MIPOL1: variants seen among roughly 807,000 people sequenced by gnomAD.
The protein encoded by MIPOL1 is mirror-image polydactyly 1, also known as mirror-image polydactyly gene 1 protein.
MIPOL1 carries 57 observed loss-of-function variants against 60.9 expected under a neutral mutation model. The ratio of observed to expected loss-of-function variants is 0.94; its 90% CI spans 0.76 to 1.17. The LOEUF is 1.17. MIPOL1 is among the 50% of genes most tolerant of loss of function. MIPOL1 has a pLI of 0.00. For synonymous variants in MIPOL1, 179 were observed against 168.8 expected (o/e 1.06, Z -0.47); for missense variants, 551 against 511.6 (o/e 1.08, Z -0.74).
At chr14:37,259,246 C>G (rs377260290) in intron 3 of MIPOL1, among the ~76,000 whole-genome samples, 1 of 151,992 alleles carries the variant, frequency 6.6e-6, no homozygotes, top group Admixed American at 6.6e-5. Flanking sequence ...AATATGTGTA[C>G]AATATACCTT....
At chr14:37,343,509 A>G (rs2090728352) in intron 9 of MIPOL1, among the ~76,000 whole-genome samples, 1 of 152,152 alleles carries the variant, frequency 6.6e-6, no homozygotes. Context: ...GTCTAATATT[A>G]TTTTTGTCTG....
intron 9 of MIPOL1, among the ~76,000 whole-genome samples, chr14:37,342,760 G>A (rs1467669000): frequency 6.6e-6 from 1 of 152,034 alleles, no homozygotes; most frequent in Non-Finnish European, 1.5e-5. Flanking sequence ...ATCTTAGATA[G>A]TATTACGAAG....
At chr14:37,543,885 A>G (rs1417420979) in intron 12 of MIPOL1, among the ~76,000 whole-genome samples, 1 of 152,244 alleles carries the variant, frequency 6.6e-6, no homozygotes, top group African/African-American at 2.4e-5. Flanking sequence ...AAATTGAAGT[A>G]AATAAAAAAA....
intron 1 of MIPOL1, among the ~76,000 whole-genome samples, chr14:37,201,032 A>G (rs1490187518): frequency 6.6e-6 from 1 of 150,826 alleles, no homozygotes; most frequent in African/African-American, 2.4e-5. Flanking sequence ...CTTCCCAAGT[A>G]GCTAGGGTTA....
At chr14:37,500,991 A>T (rs2095207543) in intron 12 of MIPOL1, among the ~76,000 whole-genome samples, 1 of 152,124 alleles carries the variant, frequency 6.6e-6, no homozygotes, top group Non-Finnish European at 1.5e-5. Context: ...GCTCACATCA[A>T]GGTTTCTTAC....
intron 1 of MIPOL1, among the ~76,000 whole-genome samples, chr14:37,200,840 ATATC>A (rs200480895): frequency 2.8e-4 from 39 of 138,968 alleles, no homozygotes; most frequent in African/African-American, 5.6e-4. Flanking sequence ...CCATAATACT[ATATC>A]TATCTATGTG....
chr14:37,365,548 G>C (rs1326222259), intron 9 of MIPOL1, among the ~76,000 whole-genome samples: 1 of 152,066 alleles, frequency 6.6e-6, no homozygotes, highest in African/African-American at 2.4e-5. Context: ...TTGCATCCCA[G>C]GGATAAATCC....
chr14:37,249,543 T>G (rs559347507), intron 3 of MIPOL1, among the ~76,000 whole-genome samples: 3 of 152,194 alleles, frequency 2.0e-5, no homozygotes, highest in East Asian at 1.9e-4. Flanking sequence ...GGCTGCTTAT[T>G]ATGAGTTTAG....
intron 7 of MIPOL1, among the ~76,000 whole-genome samples, chr14:37,305,056 C>G: frequency 6.6e-6 from 1 of 151,612 alleles, no homozygotes; most frequent in East Asian, 1.9e-4. Context: ...ACCTTAGTAC[C>G]TTCCCCAAAG....
intron 10 of MIPOL1, among the ~76,000 whole-genome samples, chr14:37,379,107 G>A (rs1383027959): frequency 6.6e-6 from 1 of 152,010 alleles, no homozygotes; most frequent in African/African-American, 2.4e-5. Flanking sequence ...ATAGCATAAG[G>A]ACAGACATAC....
At chr14:37,436,677 C>T (rs527873377) in intron 11 of MIPOL1, among the ~76,000 whole-genome samples, 2 of 152,306 alleles carry the variant, frequency 1.3e-5, no homozygotes, top group South Asian at 2.1e-4. Context: ...ATGATGATGA[C>T]GATCCGTCAG....
intron 10 of MIPOL1, among the ~76,000 whole-genome samples, chr14:37,392,535 A>G (rs1368160020): frequency 1.3e-5 from 2 of 151,940 alleles, no homozygotes; most frequent in Non-Finnish European, 2.9e-5. Flanking sequence ...TCCTTATTGC[A>G]TGGGCTGTAA....
intron 9 of MIPOL1, among the ~76,000 whole-genome samples, chr14:37,323,777 G>A (rs549348019): frequency 1.4e-4 from 21 of 151,810 alleles, no homozygotes; most frequent in African/African-American, 4.8e-4. Flanking sequence ...AATCATCTCT[G>A]CCTCACCCAA....
intron 10 of MIPOL1, among the ~76,000 whole-genome samples, chr14:37,405,318 A>G (rs1299197842): frequency 6.6e-6 from 1 of 152,104 alleles, no homozygotes. Flanking sequence ...TCATATACAG[A>G]ATTTTTGTTT....
chr14:37,205,531 A>G (rs1251425198), intron 1 of MIPOL1, among the ~76,000 whole-genome samples: 3 of 151,874 alleles, frequency 2.0e-5, no homozygotes, highest in East Asian at 1.9e-4. Flanking sequence ...GGTTTGATAC[A>G]TAGGTATATA....
intron 1 of MIPOL1, among the ~76,000 whole-genome samples, chr14:37,205,026 G>A (rs1013764245): frequency 1.2e-4 from 19 of 152,174 alleles, no homozygotes; most frequent in East Asian, 5.8e-4. Context: ...AGAGACTGGC[G>A]GCATTTTGCT....
chr14:37,371,602 C>T (rs1211410920), intron 10 of MIPOL1, among the ~76,000 whole-genome samples: 2 of 151,986 alleles, frequency 1.3e-5, no homozygotes, highest in African/African-American at 2.4e-5. Flanking sequence ...AACTCATCAA[C>T]TCAATCTTTT....
intron 6 of MIPOL1, among the ~76,000 whole-genome samples, chr14:37,279,672 G>T (rs1279221108): frequency 6.6e-6 from 1 of 151,828 alleles, no homozygotes; most frequent in Non-Finnish European, 1.5e-5. Context: ...CTTAATTGAT[G>T]TATGATTTGC....
intron 3 of MIPOL1, 23 bp from the exon 4 acceptor site, chr14:37,266,915 G>A (rs2082916978): frequency 6.7e-7 from 1 of 1,491,508 alleles, no homozygotes; most frequent in Admixed American, 1.7e-5. Flanking sequence ...TATATCATGT[G>A]TTATTTGTTT....
Sources: allele counts gnomAD v4.1 joint callset (sites outside exome capture counted in the v4.1 genomes callset), GRCh38; gene constraint gnomAD v4.1.1; transcripts MANE v1.5; gene names NCBI Gene and HGNC (gene_info 2026-07-23, HGNC 2026-07-21).